Variants in RIGI observed in about 807,000 individuals in gnomAD.
RIGI encodes the protein antiviral innate immune response receptor RIG-I.
chr9:32,486,894 T>C, the RIGI span, among the ~76,000 whole-genome samples: 1 of 152,214 alleles, frequency 6.6e-6, no homozygotes, highest in South Asian at 2.1e-4. Context: ...ACATGTCTAT[T>C]TGTTCTACCT....
chr9:32,468,204 A>G, the RIGI span, among the ~76,000 whole-genome samples: 126 of 152,384 alleles, frequency 8.3e-4, 2 homozygotes, highest in South Asian at 0.02. Flanking sequence ...GGCTTTAGCC[A>G]TATTATCCAA....
the RIGI span, chr9:32,459,292 T>G: frequency 6.7e-7 from 1 of 1,498,644 alleles, no homozygotes; most frequent in East Asian, 2.3e-5. Context: ...AATAGTAGTT[T>G]TATTATAAAT....
chr9:32,469,169 A>G, the RIGI span, among the ~76,000 whole-genome samples: 2 of 152,084 alleles, frequency 1.3e-5, no homozygotes, highest in East Asian at 3.9e-4. Flanking sequence ...ACCCCTACCT[A>G]TCTACACTTG....
chr9:32,493,716 T>G, the RIGI span: 1 of 1,278,902 alleles, frequency 7.8e-7, no homozygotes, highest in East Asian at 2.4e-5. Context: ...GACCTTCCCA[T>G]GTTATAATTA....
At chr9:32,461,409 C>A in the RIGI span, among the ~76,000 whole-genome samples, 7 of 152,162 alleles carry the variant, frequency 4.6e-5, no homozygotes, top group Non-Finnish European at 4.4e-5. Flanking sequence ...TCTGTCCGTC[C>A]CACTGGTTTA....
the RIGI span, chr9:32,476,983 G>A: frequency 5.1e-5 from 82 of 1,612,076 alleles, no homozygotes; most frequent in South Asian, 5.6e-4. Context: ...AAAAGCTTAC[G>A]TCCACAAGTG....
the RIGI span, chr9:32,481,443 C>T: frequency 1.2e-6 from 2 of 1,609,652 alleles, no homozygotes; most frequent in Non-Finnish European, 1.7e-6. Context: ...TGTAACAATC[C>T]ATTGTTCATA....
the RIGI span, among the ~76,000 whole-genome samples, chr9:32,508,352 G>GATC: frequency 6.7e-6 from 1 of 149,154 alleles, no homozygotes; most frequent in Non-Finnish European, 1.5e-5. Context: ...CTCACAGAGA[G>GATC]ATCAACACAG....
the RIGI span, among the ~76,000 whole-genome samples, chr9:32,508,818 C>G: frequency 6.6e-6 from 1 of 152,148 alleles, no homozygotes; most frequent in Non-Finnish European, 1.5e-5. Flanking sequence ...CAAATCCCAC[C>G]CCTACAGAGC....
the RIGI span, among the ~76,000 whole-genome samples, chr9:32,468,629 A>G: frequency 1.3e-5 from 2 of 151,956 alleles, no homozygotes; most frequent in Non-Finnish European, 2.9e-5. Flanking sequence ...TGGCACTACT[A>G]CACTCCAGCC....
the RIGI span, among the ~76,000 whole-genome samples, chr9:32,500,119 C>G: frequency 2.0e-5 from 3 of 152,300 alleles, no homozygotes; most frequent in Non-Finnish European, 4.4e-5. Flanking sequence ...TGTCTCAATG[C>G]CTGTAGCTTT....
chr9:32,505,934 A>C, the RIGI span, among the ~76,000 whole-genome samples: 1 of 152,182 alleles, frequency 6.6e-6, no homozygotes. Flanking sequence ...TTAAATGTGG[A>C]GGCCAGGCGC....
the RIGI span, among the ~76,000 whole-genome samples, chr9:32,478,606 C>G: frequency 3.3e-5 from 5 of 152,282 alleles, no homozygotes; most frequent in African/African-American, 1.2e-4. Flanking sequence ...ACCACCCAAG[C>G]TGGGGTCCAG....
the RIGI span, among the ~76,000 whole-genome samples, chr9:32,496,664 T>C: frequency 1.3e-5 from 2 of 152,208 alleles, no homozygotes; most frequent in African/African-American, 4.8e-5. Context: ...TATATACACA[T>C]ACATGTAAGT....
chr9:32,500,673 C>T, the RIGI span: 1 of 1,105,824 alleles, frequency 9.0e-7, no homozygotes, highest in Non-Finnish European at 1.3e-6. Flanking sequence ...TAAAAACAGT[C>T]TTTACATTGT....
chr9:32,482,076 TTGAGATAACACCACTG>T, the RIGI span, among the ~76,000 whole-genome samples: 1 of 152,110 alleles, frequency 6.6e-6, no homozygotes, highest in Non-Finnish European at 1.5e-5. Flanking sequence ...CCTTCCCCCA[TTGAGATAACACCACTG>T]TGCTGCTGGA....
chr9:32,480,316 T>C, the RIGI span: 61 of 1,608,684 alleles, frequency 3.8e-5, no homozygotes, highest in African/African-American at 5.3e-4. Flanking sequence ...CATCTTTCAT[T>C]CGTGCATGCT....
the RIGI span, among the ~76,000 whole-genome samples, chr9:32,499,554 C>T: frequency 6.6e-6 from 1 of 152,022 alleles, no homozygotes; most frequent in Non-Finnish European, 1.5e-5. Flanking sequence ...CTCCTGGGTT[C>T]AAGCAATTCT....
At chr9:32,493,716 T>C in the RIGI span, 3 of 1,278,902 alleles carry the variant, frequency 2.3e-6, no homozygotes, top group Admixed American at 2.2e-5. Context: ...GACCTTCCCA[T>C]GTTATAATTA....
Sources: allele counts gnomAD v4.1 joint callset (sites outside exome capture counted in the v4.1 genomes callset), GRCh38; gene constraint gnomAD v4.1.1; transcripts MANE v1.5; gene names NCBI Gene and HGNC (gene_info 2026-07-23, HGNC 2026-07-21).